MYOCD: variants seen among roughly 807,000 people sequenced by gnomAD.
The protein encoded by MYOCD is myocardin.
A neutral mutation model predicts 96.1 loss-of-function variants in MYOCD; 32 were observed. That is an observed-to-expected ratio of 0.33 (90% CI 0.25 to 0.45). MYOCD has a LOEUF of 0.45. Among genes scored for constraint, MYOCD ranks in the 20% least tolerant of loss-of-function variants. The probability of loss-of-function intolerance (pLI) is 1.00; values close to 1 mark genes in which losing one functional copy is unlikely to be tolerated. For synonymous variants in MYOCD, 469 were observed against 469.0 expected, an observed-to-expected ratio of 1.00 and a Z score of 0.00; for missense variants, 1,133 against 1,200.6, an observed-to-expected ratio of 0.94 and a Z score of 0.83.
At chr17:12,740,049 C>T (rs1440147088) in intron 7 of MYOCD, among the ~76,000 whole-genome samples, 2 of 152,096 alleles carry the variant, frequency 1.3e-5, no homozygotes, top group African/African-American at 4.8e-5. Context: ...GATTCTCCTG[C>T]CTCAGCCTCC....
intron 1 of MYOCD, among the ~76,000 whole-genome samples, chr17:12,675,146 A>G (rs999619240): frequency 5.9e-5 from 9 of 152,222 alleles, no homozygotes; most frequent in African/African-American, 2.2e-4. Flanking sequence ...AATATACTCA[A>G]CTCACTAGCG....
chr17:12,729,558 GA>G (rs1277699565), intron 5 of MYOCD, among the ~76,000 whole-genome samples: 1 of 152,030 alleles, frequency 6.6e-6, no homozygotes, highest in Non-Finnish European at 1.5e-5. Context: ...CTGTCAAAGA[GA>G]AAAGGGAGAC....
intron 1 of MYOCD, among the ~76,000 whole-genome samples, chr17:12,691,082 C>T (rs796838422): frequency 2.0e-5 from 3 of 152,228 alleles, no homozygotes; most frequent in Non-Finnish European, 2.9e-5. Context: ...TTGTTGATAG[C>T]GAATGGAAAG....
Position 12,763,986 on chromosome 17 carries a change from T to A in MYOCD, c.*342T>A. ...GCATTGTTGGGGCATAAGCTCACACTGTAAGCTTTTCTCATGAATTCACTA... is the reference window on the plus strand; with the variant it reads ...GCATTGTTGGGGCATAAGCTCACACAGTAAGCTTTTCTCATGAATTCACTA... On this transcript the variant is annotated 3_prime_UTR_variant, in exon 14 of 14. Coordinates refer to ENST00000425538, the MANE Select transcript of MYOCD (RefSeq NM_001146312.3). 1 of 185,802 alleles carries A rather than the reference T, an allele frequency of 5.4e-6. No individual in the cohort carries two copies. The highest frequency in any genetic ancestry group is 1.1e-5 in the Non-Finnish European group (1 of 90,786). The allele number at this position is 185,802 out of a possible 1,614,324, so 11.5% of individuals were successfully genotyped here. A position where few individuals can be genotyped will look rare whatever the true frequency, so the allele number is the denominator to read the frequency against.
chr17:12,752,380 A>G, intron 9 of MYOCD, 34 bp from the exon 10 acceptor site: 2 of 1,541,476 alleles, frequency 1.3e-6, no homozygotes, highest in Non-Finnish European at 1.8e-6. Context: ...TATTGTCGTT[A>G]AACAGCACAC....
rs1214847530 is a variant in MYOCD at position 12,763,123 on chromosome 17, A to G, written c.2440A>G (p.Lys814Glu). 6.2e-7 allele frequency: 1 copy of G among 1,614,008 alleles called. No individual in the cohort carries two copies. Among genetic ancestry groups the G allele is most frequent in the South Asian group, 1.1e-5 (1 of 91,044 alleles). ...EDHSCLQKVPKIPRSSRSPTA... is the reference protein window; with the variant it reads ...EDHSCLQKVPEIPRSSRSPTA... ...TCACTCATGTCTTCAAAAAGTCCCAAAGATACCCAGATCTTCCCGAAGTCC... is the reference window on the plus strand; with the variant it reads ...TCACTCATGTCTTCAAAAAGTCCCAGAGATACCCAGATCTTCCCGAAGTCC... Residue 814 changes from lysine (K) to glutamate (E), a missense_variant, in exon 14 of 14, where the codon AAG (lysine) becomes GAG (glutamate). Transcript: ENST00000425538.
intron 5 of MYOCD, among the ~76,000 whole-genome samples, chr17:12,732,598 T>G (rs1458912376): frequency 6.6e-6 from 1 of 152,220 alleles, no homozygotes; most frequent in Admixed American, 6.5e-5. Flanking sequence ...AGCCATATCT[T>G]ATCTGATCAC....
intron 5 of MYOCD, among the ~76,000 whole-genome samples, chr17:12,731,526 G>GCAACAATAT (rs2032171705): frequency 6.6e-6 from 1 of 152,206 alleles, no homozygotes; most frequent in Admixed American, 6.5e-5. Context: ...AGCAACAATA[G>GCAACAATAT]CAACAATAAC....
At chr17:12,757,273 A>G (rs1017196151) in intron 11 of MYOCD, among the ~76,000 whole-genome samples, 18 of 152,184 alleles carry the variant, frequency 1.2e-4, no homozygotes, top group African/African-American at 4.3e-4. Flanking sequence ...AAAGGAGACA[A>G]ACAAGATAAG....
In MYOCD at chr17:12,753,304, C is replaced by G. The variant is rs768257209; in HGVS notation, c.2016C>G (p.His672Gln). 6.2e-7 allele frequency: 1 copy of G among 1,610,868 alleles called. No homozygotes were observed. The highest frequency in any genetic ancestry group is 8.5e-7 in the Non-Finnish European group (1 of 1,178,376). Residue 672 changes from histidine to glutamine, a missense_variant, in exon 10 of 14, where the codon CAC becomes CAG. Physicochemically the swap from His to Gln is conservative, Grantham distance 24. Transcript: ENST00000425538. ...CCTCCGGGGCCCAGGGAGAAGGGCACAGGGTCTCCTCGCCCATCAGCAGCC... is the reference window on the plus strand; with the variant it reads ...CCTCCGGGGCCCAGGGAGAAGGGCAGAGGGTCTCCTCGCCCATCAGCAGCC... ...PSSSGAQGEG[H>Q]RVSSPISSQV... is the part of the protein sequence containing the mutation.
At position 12,756,511 on chromosome 17, in the gene MYOCD, G is replaced by A. The variant is rs1266938100; in HGVS notation, c.2156G>A (p.Gly719Asp). The A allele has an allele frequency of 1.3e-6, 2 of 1,551,576 alleles. No homozygotes were observed. Among genetic ancestry groups the A allele is most frequent in the Admixed American group, 2.0e-5 (1 of 50,948 alleles). ...FSGAQADSSH[G>D]AGGNPCPKSP... Reference sequence around the variant, plus strand: ...GGAGCCCAAGCAGACAGCAGTCATGGTGCCGGGGGAAACCCTTGTCCCAAA... The same window carrying A: ...GGAGCCCAAGCAGACAGCAGTCATGATGCCGGGGGAAACCCTTGTCCCAAA... The change falls in exon 11 of 14, where the codon GGT becomes GAT. Residue 719 changes from glycine (G) to aspartate (D), a missense_variant. By Grantham distance (94) the Gly-to-Asp change is moderately conservative. Transcript: ENST00000425538.
intron 1 of MYOCD, among the ~76,000 whole-genome samples, chr17:12,694,043 T>C (rs1474968286): frequency 6.6e-6 from 1 of 151,496 alleles, no homozygotes; most frequent in Non-Finnish European, 1.5e-5. Flanking sequence ...CCCAAAAAGG[T>C]GAATGAAGAG....
intron 2 of MYOCD, among the ~76,000 whole-genome samples, chr17:12,713,294 C>T (rs187047999): frequency 3.9e-5 from 6 of 152,200 alleles, no homozygotes; most frequent in East Asian, 1.9e-4. Context: ...TGTAGTTCTA[C>T]GAAGCTGAGA....
At chr17:12,755,230 C>T (rs2032977275) in intron 10 of MYOCD, among the ~76,000 whole-genome samples, 1 of 152,154 alleles carries the variant, frequency 6.6e-6, no homozygotes, top group African/African-American at 2.4e-5. Flanking sequence ...CCAAAAATTT[C>T]AGTACTGATG....
intron 1 of MYOCD, among the ~76,000 whole-genome samples, chr17:12,684,229 A>G (rs904933265): frequency 2.6e-5 from 4 of 152,010 alleles, no homozygotes; most frequent in Non-Finnish European, 5.9e-5. Flanking sequence ...TTATCCATGG[A>G]TCATGATGAG....
chr17:12,733,508 T>C (rs1382944737), intron 5 of MYOCD, among the ~76,000 whole-genome samples: 1 of 152,166 alleles, frequency 6.6e-6, no homozygotes, highest in Admixed American at 6.5e-5. Context: ...CGGCTGATAC[T>C]GTGGTCCTAG....
intron 1 of MYOCD, among the ~76,000 whole-genome samples, chr17:12,668,711 A>G (rs1243163069): frequency 6.6e-6 from 1 of 152,008 alleles, no homozygotes; most frequent in Non-Finnish European, 1.5e-5. Context: ...TACTAGCTAC[A>G]TGACCCTGAG....
At chr17:12,699,886 A>G (rs2030974333) in intron 1 of MYOCD, among the ~76,000 whole-genome samples, 1 of 145,172 alleles carries the variant, frequency 6.9e-6, no homozygotes, top group Non-Finnish European at 1.5e-5. Context: ...ATAGTAATAT[A>G]TATTTCTTTT....
At chr17:12,725,696 G>A (rs556385390) in intron 5 of MYOCD, among the ~76,000 whole-genome samples, 2 of 151,106 alleles carry the variant, frequency 1.3e-5, no homozygotes, top group Admixed American at 1.3e-4. Context: ...GTTGCTGTAT[G>A]TTTTATATTA....
Sources: allele counts gnomAD v4.1 joint callset (sites outside exome capture counted in the v4.1 genomes callset), GRCh38; gene constraint gnomAD v4.1.1; transcripts MANE v1.5; gene names NCBI Gene and HGNC (gene_info 2026-07-23, HGNC 2026-07-21).